Variants in DOCK1 observed in about 807,000 individuals in gnomAD.
DOCK1 encodes the protein dedicator of cytokinesis protein 1.
Under a neutral mutation model 262.7 loss-of-function variants are expected in DOCK1, and 138 were observed. The ratio of observed to expected loss-of-function variants is 0.53; its 90% CI spans 0.46 to 0.61. DOCK1 has a LOEUF of 0.61. DOCK1 is among the 20% of genes least tolerant of loss of function. The probability of loss-of-function intolerance (pLI) is 0.00; values close to 1 mark genes in which losing one functional copy is unlikely to be tolerated. For missense variants in DOCK1, 1,908 were observed against 2,370.7 expected (o/e 0.80, Z 4.05); for synonymous variants, 866 against 867.4 (o/e 1.00, Z 0.03).
At chr10:127,065,986 C>T (rs929655098) in intron 23 of DOCK1, among the ~76,000 whole-genome samples, 4 of 152,088 alleles carry the variant, frequency 2.6e-5, no homozygotes, top group South Asian at 2.1e-4. Context: ...CCGCTCCACC[C>T]CTAGCTGTTT....
At chr10:126,918,955 C>CGGAGGATTTGGAGGAGG (rs1554955665) in intron 1 of DOCK1, among the ~76,000 whole-genome samples, 3 of 149,746 alleles carry the variant, frequency 2.0e-5, no homozygotes, top group Non-Finnish European at 3.0e-5. Context: ...CAGATGGGCA[C>CGGAGGATTTGGAGGAGG]AGAGGATTTG....
chr10:127,423,884 G>A (rs1052563613), intron 46 of DOCK1, among the ~76,000 whole-genome samples: 1 of 152,124 alleles, frequency 6.6e-6, no homozygotes, highest in African/African-American at 2.4e-5. Context: ...AATTAGAGGT[G>A]TGACTTAGGG....
intron 9 of DOCK1, 75 bp from the exon 10 acceptor site, chr10:127,000,097 T>C: frequency 6.5e-7 from 1 of 1,547,196 alleles, no homozygotes; most frequent in East Asian, 2.3e-5. Flanking sequence ...AATCCATTTT[T>C]TTACTGTCCT....
chr10:127,128,560 G>T (rs2133112946), intron 27 of DOCK1, among the ~76,000 whole-genome samples: 1 of 152,010 alleles, frequency 6.6e-6, no homozygotes, highest in African/African-American at 2.4e-5. Flanking sequence ...TCCCCAGCAG[G>T]CCCCGGTGTG....
At chr10:127,425,845 T>C (rs371911747) in intron 46 of DOCK1, 29 bp from the exon 47 acceptor site, 3 of 1,613,472 alleles carry the variant, frequency 1.9e-6, no homozygotes, top group Non-Finnish European at 2.5e-6. Context: ...ATCCAAGAAA[T>C]AAGGAATGTC....
intron 26 of DOCK1, among the ~76,000 whole-genome samples, chr10:127,125,886 C>G (rs764262622): frequency 2.0e-5 from 3 of 152,036 alleles, no homozygotes; most frequent in Non-Finnish European, 4.4e-5. Flanking sequence ...GACAAAAAGG[C>G]TTTGATGCTT....
chr10:127,408,348 A>G (rs576054168), intron 40 of DOCK1, among the ~76,000 whole-genome samples: 1 of 152,274 alleles, frequency 6.6e-6, no homozygotes, highest in Admixed American at 6.5e-5. Context: ...TTATCTTGAC[A>G]TGTGTTGATG....
At chr10:127,278,026 G>A (rs1019379742) in intron 29 of DOCK1, among the ~76,000 whole-genome samples, 2 of 152,120 alleles carry the variant, frequency 1.3e-5, no homozygotes, top group African/African-American at 4.8e-5. Context: ...ACACAGCTGT[G>A]TCCACTCACT....
chr10:127,258,608 G>A (rs2059907084), intron 29 of DOCK1, among the ~76,000 whole-genome samples: 1 of 152,300 alleles, frequency 6.6e-6, no homozygotes, highest in South Asian at 2.1e-4. Context: ...ACCAGCCTTC[G>A]TGCATCAGTT....
At position 127,258,918 on chromosome 10, in the gene DOCK1, C is replaced by G. The variant is rs1370681054; in HGVS notation, c.3044+1489C>G. Among the ~76,000 whole-genome samples, 4 of 152,188 alleles carry G rather than the reference C, an allele frequency of 2.6e-5. No individual in the cohort carries two copies. In the East Asian group the frequency reaches 7.7e-4, roughly 29 times the overall value. On this transcript the variant is annotated intron_variant, in intron 29 of 51. Transcript: ENST00000623213. The stretch of plus-strand genomic sequence containing the variant: ...CTATTGTCCTTCCCTTCGACAAATC[C>G]AAAGCAGCACGACCTTTCCTTTGGC...
intron 48 of DOCK1, among the ~76,000 whole-genome samples, chr10:127,435,541 T>C (rs2069627472): frequency 6.6e-6 from 1 of 152,228 alleles, no homozygotes; most frequent in African/African-American, 2.4e-5. Context: ...GCTTGTCACT[T>C]ACAGCAAGAT....
chr10:126,998,562 G>A (rs184609374), intron 8 of DOCK1: 359 of 228,236 alleles, frequency 1.6e-3, no homozygotes, highest in African/African-American at 7.6e-3. Context: ...AGTTGTCTTC[G>A]TAAGATTTTA....
intron 10 of DOCK1, among the ~76,000 whole-genome samples, chr10:127,002,177 TATTTA>T (rs915582923): frequency 1.3e-5 from 2 of 152,128 alleles, no homozygotes; most frequent in Non-Finnish European, 2.9e-5. Context: ...TTTAAGAAAA[TATTTA>T]ATTTTTGTCT....
chr10:127,451,306 A>G, intron 51 of DOCK1, 26 bp from the exon 52 acceptor site: 1 of 1,568,752 alleles, frequency 6.4e-7, no homozygotes. Context: ...GTTATGTGAC[A>G]TCTTCCCCAT....
chr10:127,420,158 C>T (rs997403262), intron 46 of DOCK1, among the ~76,000 whole-genome samples: 1 of 152,236 alleles, frequency 6.6e-6, no homozygotes, highest in Non-Finnish European at 1.5e-5. Flanking sequence ...CTGCAGTGCA[C>T]CCTCTCCCTG....
intron 1 of DOCK1, among the ~76,000 whole-genome samples, chr10:126,906,465 G>A (rs967162003): frequency 6.6e-6 from 1 of 152,190 alleles, no homozygotes; most frequent in Non-Finnish European, 1.5e-5. Context: ...CTACTCTCCT[G>A]CTCTCCCGGG....
At chr10:127,432,064 T>G (rs2069327865) in intron 47 of DOCK1, among the ~76,000 whole-genome samples, 1 of 152,188 alleles carries the variant, frequency 6.6e-6, no homozygotes, top group Admixed American at 6.5e-5. Flanking sequence ...ATCTAATGCC[T>G]GATGATCTGA....
At chr10:126,959,299 T>C (rs1251012420) in intron 1 of DOCK1, among the ~76,000 whole-genome samples, 1 of 152,108 alleles carries the variant, frequency 6.6e-6, no homozygotes, top group Non-Finnish European at 1.5e-5. Flanking sequence ...ATACAAGTTT[T>C]CCCCCACAAA....
At chr10:127,005,847 CT>C (rs2040976881) in intron 10 of DOCK1, among the ~76,000 whole-genome samples, 1 of 152,082 alleles carries the variant, frequency 6.6e-6, no homozygotes, top group African/African-American at 2.4e-5. Context: ...TTTTTAGTCC[CT>C]TTTTTGCCAT....
Sources: allele counts gnomAD v4.1 joint callset (sites outside exome capture counted in the v4.1 genomes callset), GRCh38; gene constraint gnomAD v4.1.1; transcripts MANE v1.5; gene names NCBI Gene and HGNC (gene_info 2026-07-23, HGNC 2026-07-21).